Variants in CNTN4 observed in about 807,000 individuals in gnomAD.
CNTN4 encodes the protein contactin-4.
A neutral mutation model predicts 122.5 loss-of-function variants in CNTN4; 77 were observed. The observed-to-expected ratio is 0.63, with a 90% CI of 0.52 to 0.76. CNTN4 has a LOEUF of 0.76. Ranked by LOEUF, CNTN4 falls within the 30% of genes least tolerant of loss-of-function variation. The pLI, the probability that CNTN4 is intolerant of heterozygous loss-of-function variation, is 0.00. For synonymous variants in CNTN4, 512 were observed against 447.0 expected, an observed-to-expected ratio of 1.15 and a Z score of -1.83; for missense variants, 1,256 against 1,259.1, an observed-to-expected ratio of 1.00 and a Z score of 0.04.
At chr3:2,368,434 T>C (rs1035971189) in intron 3 of CNTN4, among the ~76,000 whole-genome samples, 3 of 152,268 alleles carry the variant, frequency 2.0e-5, no homozygotes, top group African/African-American at 7.2e-5. Context: ...CGTAGGTCAA[T>C]TGGACTCAAA....
chr3:2,205,659 G>A (rs925529017), intron 2 of CNTN4, among the ~76,000 whole-genome samples: 5 of 151,964 alleles, frequency 3.3e-5, no homozygotes, highest in African/African-American at 1.2e-4. Flanking sequence ...GAATGACAAG[G>A]GTGCTCATGC....
intron 14 of CNTN4, among the ~76,000 whole-genome samples, chr3:2,991,439 ATTC>A (rs1458160829): frequency 6.6e-6 from 1 of 152,060 alleles, no homozygotes; most frequent in Non-Finnish European, 1.5e-5. Flanking sequence ...TGATTCTTAT[ATTC>A]TTCTTCTAGG....
intron 4 of CNTN4, among the ~76,000 whole-genome samples, chr3:2,574,171 A>G (rs555499056): frequency 2.6e-5 from 4 of 151,792 alleles, no homozygotes; most frequent in East Asian, 3.9e-4. Flanking sequence ...AGCCGAGATC[A>G]CGCCACTGCA....
At chr3:2,423,346 C>T (rs1036727141) in intron 3 of CNTN4, among the ~76,000 whole-genome samples, 11 of 152,146 alleles carry the variant, frequency 7.2e-5, no homozygotes, top group African/African-American at 2.4e-4. Context: ...AGCTCAGATG[C>T]ACAAACATGT....
chr3:2,170,214 G>C (rs1322785700), intron 2 of CNTN4, among the ~76,000 whole-genome samples: 1 of 151,758 alleles, frequency 6.6e-6, no homozygotes, highest in Non-Finnish European at 1.5e-5. Context: ...CAGCTACTCG[G>C]GAGGCTGAGG....
intron 14 of CNTN4, among the ~76,000 whole-genome samples, chr3:3,004,887 C>T (rs1401487252): frequency 6.6e-6 from 1 of 152,204 alleles, no homozygotes; most frequent in African/African-American, 2.4e-5. Flanking sequence ...CTTCAGGGGT[C>T]AGCTGGGTGG....
intron 3 of CNTN4, among the ~76,000 whole-genome samples, chr3:2,451,858 G>T (rs1230243792): frequency 6.6e-6 from 1 of 152,008 alleles, no homozygotes; most frequent in Non-Finnish European, 1.5e-5. Context: ...TCAATGTACT[G>T]GTTACTTTTG....
intron 3 of CNTN4, chr3:2,362,575 A>G (rs2045202620): frequency 8.8e-6 from 5 of 566,532 alleles, no homozygotes; most frequent in Admixed American, 4.1e-5. Flanking sequence ...AGAAGAAGAC[A>G]GCAGCTTCTT....
intron 8 of CNTN4, among the ~76,000 whole-genome samples, chr3:2,873,934 G>A (rs567226396): frequency 6.6e-6 from 1 of 152,286 alleles, no homozygotes; most frequent in African/African-American, 2.4e-5. Flanking sequence ...CAACCTTTGT[G>A]TGGTTTTGTC....
intron 2 of CNTN4, among the ~76,000 whole-genome samples, chr3:2,316,793 G>A (rs537903840): frequency 4.7e-4 from 72 of 152,206 alleles, no homozygotes; most frequent in Non-Finnish European, 9.9e-4. Flanking sequence ...TGTGGTTCTC[G>A]CCTTAGTAAT....
At chr3:2,388,671 T>C (rs35806602) in intron 3 of CNTN4, among the ~76,000 whole-genome samples, 24,817 of 151,524 alleles carry the variant, frequency 0.16, 2,489 homozygotes, top group Middle Eastern at 0.26. Context: ...GTGACAAAAC[T>C]CTGTCTCTGC....
At chr3:2,277,655 T>G (rs756554827) in intron 2 of CNTN4, among the ~76,000 whole-genome samples, 6 of 152,172 alleles carry the variant, frequency 3.9e-5, no homozygotes, top group Non-Finnish European at 8.8e-5. Context: ...CCTGTCTCCA[T>G]TGTTGGCAGA....
rs993535962 is a variant in CNTN4, at chr3:2,146,892, T to G, written c.-145+46253T>G. ...ATAGTTTTTTGTTGTTGTTTTGTTT[T>G]GTTTTTTTGAGACGGAGGCTCACTC... On this transcript the variant is annotated intron_variant, in intron 2 of 24. Transcript: ENST00000418658. Among the ~76,000 whole-genome samples the G allele has an allele frequency of 3.9e-5, 6 of 152,194 alleles. No homozygotes were observed. In the East Asian group the frequency reaches 1.2e-3, roughly 29 times the overall value.
At chr3:2,357,922 A>AT (rs1192052852) in intron 3 of CNTN4, among the ~76,000 whole-genome samples, 1 of 152,176 alleles carries the variant, frequency 6.6e-6, no homozygotes, top group Non-Finnish European at 1.5e-5. Context: ...AATACATCCT[A>AT]TTTCATTTAG....
At chr3:2,606,941 G>C (rs1013542921) in intron 4 of CNTN4, among the ~76,000 whole-genome samples, 4 of 152,204 alleles carry the variant, frequency 2.6e-5, no homozygotes, top group Non-Finnish European at 5.9e-5. Flanking sequence ...CCAGACCCAT[G>C]AGCTTTACAG....
intron 8 of CNTN4, among the ~76,000 whole-genome samples, chr3:2,880,318 G>A (rs572752203): frequency 9.3e-4 from 142 of 152,266 alleles, no homozygotes; most frequent in African/African-American, 3.3e-3. Context: ...TGCAAGGCAG[G>A]CTGTCTTGAT....
intron 6 of CNTN4, among the ~76,000 whole-genome samples, chr3:2,804,048 T>C (rs2092407380): frequency 9.4e-6 from 1 of 106,654 alleles, no homozygotes; most frequent in Non-Finnish European, 1.9e-5. Context: ...TTTAGGGATA[T>C]ATATATATAT....
intron 14 of CNTN4, among the ~76,000 whole-genome samples, chr3:3,003,847 A>G (rs1246798113): frequency 2.6e-5 from 4 of 152,042 alleles, no homozygotes. Context: ...CCTCCTGGGC[A>G]CAAGCAATCC....
intron 1 of CNTN4, chr3:2,099,447 C>T (rs1203297520): frequency 6.6e-6 from 1 of 152,558 alleles, no homozygotes; most frequent in African/African-American, 2.4e-5. Context: ...TTCTGACAGC[C>T]CAGTCACAGC....
Sources: gnomAD v4.1 joint callset for allele counts (sites outside exome capture counted in the v4.1 genomes callset) on GRCh38, gnomAD v4.1.1 for gene constraint, MANE v1.5 for transcripts, NCBI Gene and HGNC (gene_info 2026-07-23, HGNC 2026-07-21) for gene names.